VWA2: variants seen among roughly 807,000 people sequenced by gnomAD.
The protein encoded by VWA2 is von Willebrand factor A domain containing 2, also known as von Willebrand factor A domain-containing protein 2.
In VWA2, 73 loss-of-function variants were observed where a neutral mutation model predicts 70.4. The ratio of observed to expected loss-of-function variants is 1.04; its 90% CI spans 0.86 to 1.26. VWA2 has a LOEUF of 1.26. Ranked by LOEUF, VWA2 falls within the 50% of genes most tolerant of loss-of-function variation. VWA2 has a pLI of 0.00. For missense variants in VWA2, 1,011 were observed against 998.5 expected (o/e 1.01, Z -0.17); for synonymous variants, 407 against 423.3 (o/e 0.96, Z 0.47).
At chr10:114,263,764 T>C (rs2133336168) in intron 5 of VWA2, among the ~76,000 whole-genome samples, 1 of 152,364 alleles carries the variant, frequency 6.6e-6, no homozygotes, top group African/African-American at 2.4e-5. Context: ...ATGTGTACAA[T>C]TCAATAGTTT....
At chr10:114,243,519 C>T (rs2037010209) in intron 1 of VWA2, among the ~76,000 whole-genome samples, 1 of 152,184 alleles carries the variant, frequency 6.6e-6, no homozygotes, top group East Asian at 1.9e-4. Context: ...TTAGTCTTCC[C>T]ATTCAGGTGT....
chr10:114,258,913 A>AT (rs987710090), intron 4 of VWA2, among the ~76,000 whole-genome samples: 1 of 152,034 alleles, frequency 6.6e-6, no homozygotes, highest in African/African-American at 2.4e-5. Flanking sequence ...TACAGGTATA[A>AT]TTTTTTTACA....
At chr10:114,244,380 C>T (rs931822948) in intron 1 of VWA2, among the ~76,000 whole-genome samples, 1 of 152,184 alleles carries the variant, frequency 6.6e-6, no homozygotes, top group African/African-American at 2.4e-5. Flanking sequence ...CCCCCAGAAC[C>T]GGGAAGGTGA....
intron 8 of VWA2, among the ~76,000 whole-genome samples, chr10:114,280,401 G>A (rs1311487793): frequency 1.3e-5 from 2 of 152,144 alleles, no homozygotes; most frequent in Non-Finnish European, 2.9e-5. Context: ...AGGTGCTGTG[G>A]AGGAACACAG....
Position 114,254,945 on chromosome 10 carries a change from T to C in VWA2, c.158T>C (p.Met53Thr). Residue 53 changes from methionine (M) to threonine (T), a missense_variant, in exon 4 of 14, where the codon ATG (methionine) becomes ACG (threonine). Coordinates refer to ENST00000392982, the MANE Select transcript of VWA2 (RefSeq NM_001272046.2). ...TGGTGCTCGGCTGCAGTGGACATCA[T>C]GTTTCTGTTAGATGGGTCTAACAGC... ...MMWCSAAVDIMFLLDGSNSVG... is the reference protein window; with the variant it reads ...MMWCSAAVDITFLLDGSNSVG... 1.2e-6 allele frequency: 2 copies of C among 1,613,462 alleles called. No individual in the cohort carries two copies. The highest frequency in any genetic ancestry group is 8.5e-7 in the Non-Finnish European group (1 of 1,179,948).
chr10:114,288,601 C>T (rs569934642), intron 11 of VWA2, among the ~76,000 whole-genome samples: 66 of 152,332 alleles, frequency 4.3e-4, no homozygotes, highest in African/African-American at 1.6e-3. Flanking sequence ...GTCACCATTT[C>T]TCAGCCAGCA....
At chr10:114,268,839 C>A (rs1280374404) in intron 5 of VWA2, among the ~76,000 whole-genome samples, 1 of 152,064 alleles carries the variant, frequency 6.6e-6, no homozygotes, top group East Asian at 1.9e-4. Context: ...GGACGACAGG[C>A]ACCCGCCACC....
At chr10:114,269,790 G>T (rs1207967395) in intron 5 of VWA2, among the ~76,000 whole-genome samples, 1 of 152,174 alleles carries the variant, frequency 6.6e-6, no homozygotes, top group Non-Finnish European at 1.5e-5. Flanking sequence ...CAAGGGAGGG[G>T]AGGCTTTGGG....
chr10:114,278,156 A>G, intron 7 of VWA2, 109 bp downstream of exon 7: 6 of 1,432,644 alleles, frequency 4.2e-6, no homozygotes, highest in Non-Finnish European at 4.7e-6. Flanking sequence ...AGGGCAGGCA[A>G]GAGAAACAGA....
intron 11 of VWA2, 68 bp from the exon 12 acceptor site, chr10:114,288,870 C>T: frequency 6.5e-7 from 1 of 1,533,120 alleles, no homozygotes; most frequent in Non-Finnish European, 8.8e-7. Flanking sequence ...ACCTGGCAGT[C>T]CCTGGGTCCC....
At position 114,292,924 on chromosome 10, in the gene VWA2, C is replaced by T. The variant is rs964118689; in HGVS notation, c.*1687C>T. Among the ~76,000 whole-genome samples the T allele has an allele frequency of 5.9e-5, 9 of 152,180 alleles. No individual in the cohort carries two copies. The highest frequency in any genetic ancestry group is 1.9e-4 in the African/African-American group (8 of 41,448). Reference sequence around the variant, plus strand: ...GTTTCACCATGTTGGCCAGGCTAGTCTCGAACTTCTGACCTCAGGTGATCC... The same window carrying T: ...GTTTCACCATGTTGGCCAGGCTAGTTTCGAACTTCTGACCTCAGGTGATCC... On this transcript the variant is annotated 3_prime_UTR_variant, in exon 14 of 14. Coordinates refer to ENST00000392982, the MANE Select transcript of VWA2 (RefSeq NM_001272046.2).
chr10:114,251,820 A>ATTTTTTTT (rs1219307995), intron 2 of VWA2, among the ~76,000 whole-genome samples: 1 of 120,896 alleles, frequency 8.3e-6, no homozygotes, highest in African/African-American at 3.2e-5. Context: ...AAAACCTGTA[A>ATTTTTTTT]TTTTTTTTTT....
chr10:114,272,890 G>A lies in VWA2; in HGVS notation c.522G>A (p.Lys174=), dbSNP rs2037743301. The change falls in exon 6 of 14, where the codon AAG becomes AAA. Residue 174 remains lysine, a synonymous_variant. Transcript: ENST00000392982. ...GDVALPSKQL[K]ERGVTVFAVG... is the part of the protein sequence containing the mutation. ...TGGCACTGCCATCCAAGCAGCTGAAGGAAAGGGGTGTCACTGTGTTTGCTG... is the reference window on the plus strand; with the variant it reads ...TGGCACTGCCATCCAAGCAGCTGAAAGAAAGGGGTGTCACTGTGTTTGCTG... 1 of 1,613,754 alleles carries A rather than the reference G, an allele frequency of 6.2e-7. No individual in the cohort carries two copies. Among genetic ancestry groups the A allele is most frequent in the Non-Finnish European group, 8.5e-7 (1 of 1,179,810 alleles).
intron 12 of VWA2, chr10:114,289,795 A>G (rs2039373989): frequency 2.3e-6 from 1 of 430,114 alleles, no homozygotes; most frequent in Non-Finnish European, 4.3e-6. Flanking sequence ...AAGGGTCTAA[A>G]GATCCCACAT....
rs1035791463 is a variant in VWA2, at chr10:114,278,990, G to A, written c.833+139G>A. 7.2e-5 allele frequency: 95 copies of A among 1,314,526 alleles called. 1 individual carries two copies. Among genetic ancestry groups the A allele is most frequent in the Middle Eastern group, 5.4e-4 (2 of 3,704 alleles). The allele number at this position is 1,314,526 out of a possible 1,614,324, so 81.4% of individuals were successfully genotyped here. On this transcript the variant is annotated intron_variant, in intron 8 of 13. Coordinates refer to ENST00000392982, the MANE Select transcript of VWA2 (RefSeq NM_001272046.2). ...GGAGACCTGGGAGGGAGCCAGGGAC[G>A]TAGCCATGGGAGAACAGGGAGAGGC...
Position 114,291,728 on chromosome 10 carries a change from T to A in VWA2, c.*491T>A, listed in dbSNP as rs978002002. Among the ~76,000 whole-genome samples the A allele has an allele frequency of 1.2e-4, 18 of 152,220 alleles. No individual in the cohort carries two copies. Among genetic ancestry groups the A allele is most frequent in the Non-Finnish European group, 2.5e-4 (17 of 68,046 alleles). On this transcript the variant is annotated 3_prime_UTR_variant, in exon 14 of 14. Coordinates refer to ENST00000392982, the MANE Select transcript of VWA2 (RefSeq NM_001272046.2). ...GCCTTTCAAGATGGAAAGCAGCAGC[T>A]TTTCCACTTCCCCAGAGACATTCTG...
intron 9 of VWA2, among the ~76,000 whole-genome samples, chr10:114,283,217 G>C (rs970612155): frequency 6.6e-6 from 1 of 152,134 alleles, no homozygotes; most frequent in African/African-American, 2.4e-5. Flanking sequence ...CCGATGAGTA[G>C]CCTGTCTCCC....
At chr10:114,286,609 C>A in intron 11 of VWA2, 98 bp downstream of exon 11, 3 of 1,062,076 alleles carry the variant, frequency 2.8e-6, no homozygotes, top group East Asian at 2.6e-5. Flanking sequence ...AGTGCCTCTT[C>A]TAGGGGCTGA....
chr10:114,290,179 G>A, intron 12 of VWA2, 61 bp from the exon 13 acceptor site: 1 of 1,538,980 alleles, frequency 6.5e-7, no homozygotes, highest in South Asian at 1.2e-5. Flanking sequence ...ACTTAGGGTA[G>A]GGGTCTTCGG....
Sources: gnomAD v4.1 joint callset for allele counts (sites outside exome capture counted in the v4.1 genomes callset) on GRCh38, gnomAD v4.1.1 for gene constraint, MANE v1.5 for transcripts, NCBI Gene and HGNC (gene_info 2026-07-23, HGNC 2026-07-21) for gene names.